GRAMD2B: variants seen among roughly 807,000 people sequenced by gnomAD.
The protein encoded by GRAMD2B is GRAM domain containing 2B, also known as GRAM domain-containing protein 2B.
In GRAMD2B, 41 loss-of-function variants were observed where a neutral mutation model predicts 59.2. The observed-to-expected ratio is 0.69, with a 90% CI of 0.54 to 0.90. The LOEUF is 0.90. GRAMD2B is among the 40% of genes least tolerant of loss of function. The probability of loss-of-function intolerance (pLI) is 0.00; values close to 1 mark genes in which losing one functional copy is unlikely to be tolerated. For missense variants in GRAMD2B, 424 were observed against 500.5 expected, an observed-to-expected ratio of 0.85 and a Z score of 1.46; for synonymous variants, 161 against 182.7, an observed-to-expected ratio of 0.88 and a Z score of 0.96.
At chr5:126,437,844 T>C (rs1364169845) in intron 1 of GRAMD2B, among the ~76,000 whole-genome samples, 5 of 152,196 alleles carry the variant, frequency 3.3e-5, no homozygotes, top group Non-Finnish European at 7.4e-5. Context: ...AGTAGCATGA[T>C]GAGCATGAGG....
At chr5:126,376,061 A>C (rs1401981999) in intron 1 of GRAMD2B, among the ~76,000 whole-genome samples, 1 of 152,250 alleles carries the variant, frequency 6.6e-6, no homozygotes, top group Non-Finnish European at 1.5e-5. Context: ...GCTTTGGTGA[A>C]TTAAGAGTTT....
chr5:126,360,211 C>T, exon 1 of GRAMD2B: 3 of 1,189,404 alleles, frequency 2.5e-6, no homozygotes, highest in South Asian at 1.5e-5. Context: ...TGAGATAGCA[C>T]TTGTGAGCGA....
chr5:126,479,575 A>G (rs867756297), intron 6 of GRAMD2B, among the ~76,000 whole-genome samples: 1 of 152,168 alleles, frequency 6.6e-6, no homozygotes, highest in Non-Finnish European at 1.5e-5. Flanking sequence ...AAGAAAACTG[A>G]AAGTTAGAGG....
rs199621938 is a variant in GRAMD2B at position 126,417,819 on chromosome 5, T to C, written c.125+46252T>C. ...ATGTGTCTTTGCCACTAACAAAATT[T>C]GTTTGGCACATTCACTCTCCTACAA... On this transcript the variant is annotated intron_variant, in intron 1 of 8. Coordinates refer to the GRAMD2B transcript ENST00000506445. Among the ~76,000 whole-genome samples, 8 of 152,310 alleles carry C rather than the reference T, an allele frequency of 5.3e-5. No individual in the cohort carries two copies. The East Asian group carries it at 1.5e-3, about 29-fold the overall frequency.
At chr5:126,429,292 G>T (rs771848229) in intron 1 of GRAMD2B, among the ~76,000 whole-genome samples, 1 of 152,108 alleles carries the variant, frequency 6.6e-6, no homozygotes, top group Non-Finnish European at 1.5e-5. Context: ...AACAAAAAAC[G>T]AAATACCACA....
intron 1 of GRAMD2B, among the ~76,000 whole-genome samples, chr5:126,436,464 C>T (rs957817560): frequency 6.6e-6 from 1 of 152,020 alleles, no homozygotes; most frequent in Admixed American, 6.6e-5. Context: ...GCCTGGGCAA[C>T]ATAACAAGAC....
upstream of GRAMD2B, among the ~76,000 whole-genome samples, chr5:126,370,375 C>G (rs1754684343): frequency 6.6e-6 from 1 of 152,142 alleles, no homozygotes; most frequent in Non-Finnish European, 1.5e-5. Flanking sequence ...CTCTCTTCCA[C>G]AATCAGAAAC....
chr5:126,472,274 A>G lies in GRAMD2B; in HGVS notation c.352A>G (p.Ser118Gly). 3 of 1,614,036 alleles carry G rather than the reference A, an allele frequency of 1.9e-6. No individual in the cohort carries two copies. The highest frequency in any genetic ancestry group is 2.5e-6 in the Non-Finnish European group (3 of 1,179,872). The change falls in exon 4 of 14, where the codon AGT (serine) becomes GGT (glycine). Residue 118 changes from serine to glycine, a missense_variant. Transcript: ENST00000285689. ...TATGCACTTTCACAAGTTGTTTCTT[A>G]GTGTCCCAACGGAGGAACCACTGAA... ...ANMHFHKLFL[S>G]VPTEEPLKQS...
At chr5:126,388,954 C>T (rs1457115620) in intron 1 of GRAMD2B, among the ~76,000 whole-genome samples, 1 of 152,076 alleles carries the variant, frequency 6.6e-6, no homozygotes, top group Non-Finnish European at 1.5e-5. Flanking sequence ...CAGACATCTC[C>T]ACTTGGCAAT....
At chr5:126,416,479 A>G (rs1759276514) in intron 1 of GRAMD2B, among the ~76,000 whole-genome samples, 1 of 152,214 alleles carries the variant, frequency 6.6e-6, no homozygotes, top group Non-Finnish European at 1.5e-5. Flanking sequence ...ATATTTATTG[A>G]GCATCTAACA....
rs17154541 is a variant in GRAMD2B, at chr5:126,417,102, C to G, written c.125+45535C>G. 1.2e-3 allele frequency among the ~76,000 whole-genome samples: 177 copies of G among 152,350 alleles called. 3 individuals carry two copies. The East Asian group carries it at 0.019, about 17-fold the overall frequency. On this transcript the variant is annotated intron_variant, in intron 1 of 8. Coordinates refer to the GRAMD2B transcript ENST00000506445. ...AGTATCTATAGTCAGAGGGCCTAATCTATTATCTGCACTGTGATATCTGGT... is the reference window on the plus strand; with the variant it reads ...AGTATCTATAGTCAGAGGGCCTAATGTATTATCTGCACTGTGATATCTGGT...
intron 13 of GRAMD2B, chr5:126,490,491 G>C (rs1313141243): frequency 6.6e-6 from 1 of 152,364 alleles, no homozygotes. Context: ...AGGAGCACCA[G>C]TGGAGACTAC....
intron 1 of GRAMD2B, among the ~76,000 whole-genome samples, chr5:126,411,568 A>G (rs1422454222): frequency 6.6e-6 from 1 of 152,086 alleles, no homozygotes; most frequent in East Asian, 1.9e-4. Flanking sequence ...TTTGCTCACA[A>G]TTCCCTTGGC....
intron 3 of GRAMD2B, among the ~76,000 whole-genome samples, chr5:126,471,860 C>T (rs1165542745): frequency 6.6e-6 from 1 of 152,322 alleles, no homozygotes; most frequent in South Asian, 2.1e-4. Flanking sequence ...AAGCTTTGAA[C>T]CACTGTACTC....
intron 1 of GRAMD2B, among the ~76,000 whole-genome samples, chr5:126,412,469 A>T (rs1048305325): frequency 6.6e-6 from 1 of 152,094 alleles, no homozygotes; most frequent in African/African-American, 2.4e-5. Context: ...CTATTTGTTT[A>T]TGAAGAATTA....
intron 1 of GRAMD2B, among the ~76,000 whole-genome samples, chr5:126,450,921 A>G (rs1561541827): frequency 1.3e-5 from 2 of 152,254 alleles, no homozygotes; most frequent in Non-Finnish European, 2.9e-5. Context: ...CGTAGCCAAC[A>G]CAAAAACTCT....
chr5:126,473,362 C>T lies in GRAMD2B; in HGVS notation c.480C>T (p.Asp160=), dbSNP rs370100943. ...ICFHSKVFGK[D]TKISIPAFSV... is the part of the protein sequence containing the mutation. ...TTCATTCCAAAGTCTTTGGAAAAGA[C>T]ACAAAGGTTGGTATAATTAAAAAAA... The change falls in exon 5 of 14, where the codon GAC becomes GAT. Residue 160 remains aspartate (D), a synonymous_variant. Transcript: ENST00000285689. 1,513 of 1,354,404 alleles carry T rather than the reference C, an allele frequency of 1.1e-3. 26 individuals carry two copies. In the South Asian group the frequency reaches 0.02, roughly 18 times the overall value. The allele number at this position is 1,354,404 out of a possible 1,614,324, so 83.9% of individuals were successfully genotyped here.
intron 1 of GRAMD2B, 185 bp from the exon 2 acceptor site, chr5:126,465,241 C>G: frequency 7.0e-7 from 1 of 1,437,800 alleles, no homozygotes; most frequent in Non-Finnish European, 9.1e-7. Context: ...CAGCTACTGC[C>G]GTTGGGACAC....
Position 126,411,841 on chromosome 5 carries a change from G to GGTGTGTGTGTGTGTGTGTGTGT in GRAMD2B, c.125+40294_125+40295insGTGTGTGTGTGTGTGTGTGTGT, listed in dbSNP as rs147604532. 6.6e-3 allele frequency among the ~76,000 whole-genome samples: 976 copies of GGTGTGTGTGTGTGTGTGTGTGT among 148,840 alleles called. 10 individuals are homozygous for GGTGTGTGTGTGTGTGTGTGTGT. The highest frequency in any genetic ancestry group is 0.023 in the African/African-American group (910 of 40,306). Reference sequence around the variant, plus strand: ...CACCACATTGGTTAGATATATTTCTGGTGTGTGTGTGTGTGTGTGTTTGTG... The same window carrying GGTGTGTGTGTGTGTGTGTGTGT: ...CACCACATTGGTTAGATATATTTCTGGTGTGTGTGTGTGTGTGTGTGTGTGTGTGTGTGTGTGTGTGTTTGTG... On this transcript the variant is annotated intron_variant, in intron 1 of 8. Coordinates refer to the GRAMD2B transcript ENST00000506445.
Sources: gnomAD v4.1 joint callset for allele counts (sites outside exome capture counted in the v4.1 genomes callset) on GRCh38, gnomAD v4.1.1 for gene constraint, MANE v1.5 for transcripts, NCBI Gene and HGNC (gene_info 2026-07-23, HGNC 2026-07-21) for gene names.